IARS1: variants seen among roughly 807,000 people sequenced by gnomAD.
The protein encoded by IARS1 is isoleucine--tRNA ligase, cytoplasmic.
A neutral mutation model predicts 168.2 loss-of-function variants in IARS1; 124 were observed. The ratio of observed to expected loss-of-function variants is 0.74; its 90% CI spans 0.64 to 0.86. The LOEUF is 0.86. IARS1 is among the 40% of genes least tolerant of loss of function. The probability of loss-of-function intolerance (pLI) is 0.00; values close to 1 mark genes in which losing one functional copy is unlikely to be tolerated. For missense variants in IARS1, 1,452 were observed against 1,515.8 expected (o/e 0.96, Z 0.70); for synonymous variants, 532 against 529.4 (o/e 1.00, Z -0.07).
At chr9:92,241,040 T>G (rs1828322725) in intron 29 of IARS1, 79 bp from the exon 30 acceptor site, 16 of 778,306 alleles carry the variant, frequency 2.1e-5, no homozygotes. Context: ...ACACAGTGAC[T>G]TCTCAGTAAC....
intron 30 of IARS1, among the ~76,000 whole-genome samples, chr9:92,230,305 G>A (rs978373478): frequency 3.3e-5 from 5 of 152,008 alleles, no homozygotes; most frequent in African/African-American, 1.2e-4. Context: ...TAGAGACGGG[G>A]TTTCACCATG....
intron 30 of IARS1, among the ~76,000 whole-genome samples, chr9:92,238,406 G>A (rs1261127458): frequency 2.0e-5 from 3 of 152,082 alleles, no homozygotes; most frequent in East Asian, 3.9e-4. Context: ...CACTCTGTTC[G>A]TTCATGCGAT....
At chr9:92,227,132 A>C (rs1299236625) in intron 31 of IARS1, among the ~76,000 whole-genome samples, 64 of 136,824 alleles carry the variant, frequency 4.7e-4, no homozygotes, top group Non-Finnish European at 2.3e-4. Context: ...GTAAGGTCAC[A>C]GATCAACAGG....
In IARS1 at chr9:92,250,325, A is replaced by AT. The variant is rs1377940331; in HGVS notation, c.2430-37dup. On this transcript the variant is annotated intron_variant, in intron 23 of 33. Coordinates refer to ENST00000443024, the MANE Select transcript of IARS1 (RefSeq NM_002161.6). Reference sequence around the variant, plus strand: ...GAGGTAGGAATATGAAAGAGTTTAGATTTAAGAGGAGAAAATTGAAGGCAC... The same window carrying AT: ...GAGGTAGGAATATGAAAGAGTTTAGATTTTAAGAGGAGAAAATTGAAGGCAC... The AT allele has an allele frequency of 3.8e-6, 5 of 1,317,554 alleles. No homozygotes were observed. In the African/African-American group the frequency reaches 7.2e-5, roughly 19 times the overall value. 81.6% of individuals were successfully genotyped at this position (1,317,554 alleles called of 1,614,324 possible). A position where few individuals can be genotyped will look rare whatever the true frequency, so the allele number is the denominator to read the frequency against.
chr9:92,240,041 C>T (rs186644085), intron 30 of IARS1, among the ~76,000 whole-genome samples: 14 of 152,200 alleles, frequency 9.2e-5, no homozygotes, highest in Admixed American at 9.2e-4. Flanking sequence ...GTATACGAGG[C>T]AGAAAAGAAA....
At chr9:92,242,401 T>G (rs530385785) in intron 28 of IARS1, 71 bp from the exon 29 acceptor site, 5 of 1,217,398 alleles carry the variant, frequency 4.1e-6, no homozygotes, top group Non-Finnish European at 5.8e-6. Context: ...AAGGTACTGT[T>G]GAACAAGGGC....
chr9:92,289,241 T>G (rs1835937870), intron 2 of IARS1, 60 bp downstream of exon 2: 2 of 676,784 alleles, frequency 3.0e-6, no homozygotes. Context: ...TCTGCTTTAA[T>G]GGAATTCAGT....
At chr9:92,289,206 CA>C (rs11438082) in intron 2 of IARS1, 94 bp downstream of exon 2, 41,409 of 322,844 alleles carry the variant, frequency 0.13, no homozygotes, top group East Asian at 0.17. Flanking sequence ...GACTCCATCT[CA>C]AAAAAAAAAA....
At chr9:92,286,736 G>T in intron 4 of IARS1, 118 bp from the exon 5 acceptor site, 2 of 576,212 alleles carry the variant, frequency 3.5e-6, no homozygotes, top group Non-Finnish European at 6.2e-6. Context: ...AATAATCAAT[G>T]GTACAAGTAA....
In IARS1 at chr9:92,265,537, G is replaced by A. The variant is rs1196286673; in HGVS notation, c.1448C>T (p.Ser483Leu). ...TGACAGTTCTTCAAGTTCCGCCACT[G>A]ACCCAATGCATACCACCTGTCAAAA... ...DDFEEVVCIGSVAELEELSGA... is the reference protein window; with the variant it reads ...DDFEEVVCIGLVAELEELSGA... The change falls in exon 15 of 34, where the codon TCA becomes TTA. Residue 483 changes from serine to leucine, a missense_variant. Ser to Leu is a moderately radical substitution (Grantham distance 145). Transcript: ENST00000443024. 6.2e-7 allele frequency: 1 copy of A among 1,614,002 alleles called. No homozygotes were observed. Among genetic ancestry groups the A allele is most frequent in the African/African-American group, 1.3e-5 (1 of 75,036 alleles).
rs769225921 is a variant in IARS1 at position 92,286,599 on chromosome 9, C to T, written c.416G>A (p.Gly139Asp). The change falls in exon 5 of 34, where the codon GGC becomes GAC. Residue 139 changes from glycine (G) to aspartate (D), a missense_variant. Gly to Asp is a moderately conservative substitution (Grantham distance 94). Coordinates refer to ENST00000443024, the MANE Select transcript of IARS1 (RefSeq NM_002161.6). ...AEWKSTVSRL[G>D]RWIDFDNDYK... ...GTCATTGTCAAAGTCAATCCATCGG[C>T]CAAGTCTGCTAACAGTAGACTTTAA... The T allele has an allele frequency of 8.8e-6, 14 of 1,585,504 alleles. No individual in the cohort carries two copies. The South Asian group carries it at 1.5e-4, about 18-fold the overall frequency.
Position 92,256,881 on chromosome 9 carries a change from A to C in IARS1, c.2017-81T>G, listed in dbSNP as rs1377510205. 7 of 1,328,936 alleles carry C rather than the reference A, an allele frequency of 5.3e-6. 1 individual carries two copies. The highest frequency in any genetic ancestry group is 7.1e-6 in the Non-Finnish European group (7 of 979,514). 82.3% of individuals were successfully genotyped at this position (1,328,936 alleles called of 1,614,324 possible). The stretch of plus-strand genomic sequence containing the variant: ...GGAAATAAACTTCTTAAATCACTTA[A>C]ACAAAAACAAAAAGAAAAAATCCCA... On this transcript the variant is annotated intron_variant, in intron 19 of 33. Coordinates refer to ENST00000443024, the MANE Select transcript of IARS1 (RefSeq NM_002161.6).
chr9:92,266,357 G>A (rs1008289565), intron 14 of IARS1, among the ~76,000 whole-genome samples: 1 of 152,208 alleles, frequency 6.6e-6, no homozygotes, highest in Non-Finnish European at 1.5e-5. Context: ...TCTGAGAAAT[G>A]CATTGTTAGG....
At chr9:92,271,769 C>A (rs1833073903) in intron 10 of IARS1, 114 bp from the exon 11 acceptor site, 29 of 1,189,010 alleles carry the variant, frequency 2.4e-5, no homozygotes, top group Non-Finnish European at 3.5e-5. Context: ...ATTTCATCAA[C>A]TTTGTCCTGT....
At chr9:92,284,850 A>G (rs192897689) in intron 6 of IARS1, among the ~76,000 whole-genome samples, 1 of 152,360 alleles carries the variant, frequency 6.6e-6, no homozygotes, top group East Asian at 1.9e-4. Flanking sequence ...TGTGTTTACC[A>G]TATCATTCTC....
chr9:92,293,602 A>C lies in IARS1; in HGVS notation c.-8+9T>G, dbSNP rs532877388. 8.6e-5 allele frequency: 32 copies of C among 370,536 alleles called. No homozygotes were observed. Among genetic ancestry groups the C allele is most frequent in the South Asian group, 6.7e-4 (31 of 46,092 alleles). The allele number at this position is 370,536 out of a possible 1,614,324, so 23.0% of individuals were successfully genotyped here. A position where few individuals can be genotyped will look rare whatever the true frequency, so the allele number is the denominator to read the frequency against. On this transcript the variant is annotated intron_variant, in intron 1 of 33. Coordinates refer to ENST00000443024, the MANE Select transcript of IARS1 (RefSeq NM_002161.6). ...GAGGGCCGGATCCTGCAGGGAAGAG[A>C]GGGCGTACCTGAGGGGCCTCGCGTG...
In IARS1 at chr9:92,277,941, C is replaced by A; in HGVS notation, c.834-18G>T. 6.2e-7 allele frequency: 1 copy of A among 1,609,216 alleles called. No homozygotes were observed. Among genetic ancestry groups the A allele is most frequent in the Non-Finnish European group, 8.5e-7 (1 of 1,175,940 alleles). On this transcript the variant is annotated intron_variant, in intron 8 of 33. Transcript: ENST00000443024. ...CAGGAAATCTAGAAAAGGAGAAAGG[C>A]AAACTCACAATTAGATTAAAATCAA... is the stretch of plus-strand genomic sequence containing the variant.
At chr9:92,235,389 C>T (rs939409923) in intron 30 of IARS1, among the ~76,000 whole-genome samples, 2 of 152,000 alleles carry the variant, frequency 1.3e-5, no homozygotes, top group African/African-American at 2.4e-5. Context: ...ACAAAGGTCT[C>T]ATCTCTTCCT....
Position 92,250,815 on chromosome 9 carries a change from A to G in IARS1, c.2327T>C (p.Leu776Pro), listed in dbSNP as rs1188136021. Residue 776 changes from leucine to proline, a missense_variant, in exon 23 of 34, where the codon CTC (leucine) becomes CCC (proline). Coordinates refer to ENST00000443024, the MANE Select transcript of IARS1 (RefSeq NM_002161.6). The stretch of plus-strand genomic sequence containing the variant: ...TAGATTCTGGTACATCAATTCAGTG[A>G]GAAAAGGTGTGTAGGGAGCCTGTAT... ...CRLMAPYTPFLTELMYQNLKV... is the reference protein window; with the variant it reads ...CRLMAPYTPFPTELMYQNLKV... 2 of 1,611,458 alleles carry G rather than the reference A, an allele frequency of 1.2e-6. No homozygotes were observed. Among genetic ancestry groups the G allele is most frequent in the Admixed American group, 3.4e-5 (2 of 59,592 alleles).
Sources: allele counts gnomAD v4.1 joint callset (sites outside exome capture counted in the v4.1 genomes callset), GRCh38; gene constraint gnomAD v4.1.1; transcripts MANE v1.5; gene names NCBI Gene and HGNC (gene_info 2026-07-23, HGNC 2026-07-21).